PCBP3: variants seen among roughly 807,000 people sequenced by gnomAD.
PCBP3 encodes poly(rC)-binding protein 3.
Under a neutral mutation model 52.7 loss-of-function variants are expected in PCBP3, and 25 were observed. The observed-to-expected ratio is 0.47, with a 90% CI of 0.35 to 0.66. The LOEUF is 0.66. Among genes scored for constraint, PCBP3 ranks in the 30% least tolerant of loss-of-function variants. The pLI is 0.01. For synonymous variants in PCBP3, 162 were observed against 183.0 expected, an observed-to-expected ratio of 0.89 and a Z score of 0.93; for missense variants, 391 against 490.3, an observed-to-expected ratio of 0.80 and a Z score of 1.91.
At chr21:45,777,806 G>A (rs918248882) in intron 4 of PCBP3, among the ~76,000 whole-genome samples, 29 of 150,934 alleles carry the variant, frequency 1.9e-4, no homozygotes, top group Non-Finnish European at 3.7e-4. Flanking sequence ...TTTATATAAT[G>A]AATTCTTTTT....
intron 4 of PCBP3, among the ~76,000 whole-genome samples, chr21:45,846,475 A>G (rs2183598): frequency 6.6e-6 from 1 of 151,778 alleles, no homozygotes; most frequent in Admixed American, 6.6e-5. Flanking sequence ...AGAAGAAAGT[A>G]TAATCTCTAT....
chr21:45,657,924 T>A (rs944526943), intron 1 of PCBP3, among the ~76,000 whole-genome samples: 6 of 152,216 alleles, frequency 3.9e-5, no homozygotes, highest in Non-Finnish European at 8.8e-5. Context: ...GTAATTGCCC[T>A]GGTTATAAGC....
At chr21:45,897,949 G>T (rs983124218) in intron 6 of PCBP3, among the ~76,000 whole-genome samples, 1 of 152,168 alleles carries the variant, frequency 6.6e-6, no homozygotes, top group Admixed American at 6.5e-5. Context: ...ATCTGTGCGT[G>T]GCCTCCCGCC....
chr21:45,907,858 G>A lies in PCBP3; in HGVS notation c.340-1497G>A, dbSNP rs374830424. Among the ~76,000 whole-genome samples the A allele has an allele frequency of 2.2e-4, 33 of 151,696 alleles. No homozygotes were observed. The East Asian group carries it at 2.9e-3, about 13-fold the overall frequency. On this transcript the variant is annotated intron_variant, in intron 9 of 17. Transcript: ENST00000681687. ...AGGAGCTGGAAGGGAAGGACGGGGC[G>A]GGGGGAGTGCTGGGCAGGGGCAGTG...
intron 5 of PCBP3, chr21:45,893,687 G>A (rs2095746963): frequency 1.0e-6 from 1 of 952,546 alleles, no homozygotes; most frequent in African/African-American, 1.8e-5. Flanking sequence ...CCCATTGCAT[G>A]GGCTAAAATG....
intron 1 of PCBP3, among the ~76,000 whole-genome samples, chr21:45,666,387 A>C: frequency 7.1e-6 from 1 of 140,720 alleles, no homozygotes; most frequent in East Asian, 2.0e-4. Context: ...AAAGGGTTAC[A>C]AACAAGTTAC....
chr21:45,649,949 A>C lies in PCBP3; in HGVS notation c.-279+6081A>C, dbSNP rs181838731. ...TTTAGATAATTTTAAGCTTTTTTTAAAAATCGTGATTGAGATGAGATATTT... is the reference window on the plus strand; with the variant it reads ...TTTAGATAATTTTAAGCTTTTTTTACAAATCGTGATTGAGATGAGATATTT... On this transcript the variant is annotated intron_variant, in intron 1 of 17. Transcript: ENST00000681687. 1.4e-4 allele frequency among the ~76,000 whole-genome samples: 21 copies of C among 152,154 alleles called. No homozygotes were observed. In the East Asian group the frequency reaches 4.1e-3, roughly 29 times the overall value.
intron 4 of PCBP3, chr21:45,831,369 A>T (rs1246733471): frequency 1.3e-5 from 2 of 149,604 alleles, no homozygotes; most frequent in East Asian, 3.9e-4. Context: ...AGATCACGCC[A>T]CTGCTGTCCA....
Position 45,889,472 on chromosome 21 carries a change from T to C in PCBP3, c.11-6736T>C, listed in dbSNP as rs545250680. Among the ~76,000 whole-genome samples the C allele has an allele frequency of 7.2e-5, 11 of 152,350 alleles. No homozygotes were observed. In the South Asian group the frequency reaches 2.3e-3, roughly 32 times the overall value. ...CAGATGCAGCTCAGAGCAGGAAACC[T>C]GGTCTCCACCTTGGGCAGACAGCAA... On this transcript the variant is annotated intron_variant, in intron 5 of 17. Coordinates refer to ENST00000681687, the MANE Select transcript of PCBP3 (RefSeq NM_001384156.1).
chr21:45,828,538 C>A (rs2093364973), intron 4 of PCBP3: 1 of 152,254 alleles, frequency 6.6e-6, no homozygotes, highest in Non-Finnish European at 1.5e-5. Flanking sequence ...CCCAGCCCTG[C>A]TGAAAGTCTG....
intron 4 of PCBP3, among the ~76,000 whole-genome samples, chr21:45,765,244 A>G (rs1405488983): frequency 6.6e-6 from 1 of 152,154 alleles, no homozygotes; most frequent in African/African-American, 2.4e-5. Flanking sequence ...GGGTGCCAGG[A>G]TATCTGTGCT....
At chr21:45,682,161 A>G (rs1378199218) in intron 2 of PCBP3, among the ~76,000 whole-genome samples, 3 of 152,144 alleles carry the variant, frequency 2.0e-5, no homozygotes, top group Non-Finnish European at 2.9e-5. Context: ...TTTCTGGTCA[A>G]AACTAGGTAA....
chr21:45,909,750 G>T (rs1310156071), intron 10 of PCBP3, among the ~76,000 whole-genome samples: 1 of 114,776 alleles, frequency 8.7e-6, no homozygotes, highest in Non-Finnish European at 1.7e-5. Flanking sequence ...CCCACCCACT[G>T]CCCAGATACG....
intron 5 of PCBP3, among the ~76,000 whole-genome samples, chr21:45,883,685 T>C (rs1448547821): frequency 6.6e-6 from 1 of 152,240 alleles, no homozygotes; most frequent in African/African-American, 2.4e-5. Context: ...TTTTCCGATA[T>C]TAATATAGCC....
chr21:45,732,504 A>T (rs1217310135), intron 2 of PCBP3, among the ~76,000 whole-genome samples: 6 of 141,976 alleles, frequency 4.2e-5, no homozygotes, highest in East Asian at 2.1e-4. Flanking sequence ...TGCCTTTACG[A>T]TTTTTTTTTT....
chr21:45,782,885 G>T (rs1407797293), intron 4 of PCBP3, among the ~76,000 whole-genome samples: 2 of 152,246 alleles, frequency 1.3e-5, no homozygotes, highest in Non-Finnish European at 2.9e-5. Flanking sequence ...ACACTTCTCT[G>T]TGAGGCATGT....
chr21:45,750,396 C>T (rs1196872686), intron 3 of PCBP3: 1 of 6,070 alleles, frequency 1.6e-4, no homozygotes. Context: ...TGGGAGCAGA[C>T]CCCCCCCCCC....
At chr21:45,857,991 A>G (rs1362994307) in intron 5 of PCBP3, among the ~76,000 whole-genome samples, 1 of 151,752 alleles carries the variant, frequency 6.6e-6, no homozygotes, top group Non-Finnish European at 1.5e-5. Context: ...GGCCTCCCCC[A>G]TTCCCACACC....
chr21:45,792,627 A>G (rs776561505), intron 4 of PCBP3, among the ~76,000 whole-genome samples: 2 of 152,258 alleles, frequency 1.3e-5, no homozygotes, highest in Admixed American at 6.5e-5. Context: ...GGAGACAGGG[A>G]TGACTGCAGT....
Sources: allele counts gnomAD v4.1 joint callset (sites outside exome capture counted in the v4.1 genomes callset), GRCh38; gene constraint gnomAD v4.1.1; transcripts MANE v1.5; gene names NCBI Gene and HGNC (gene_info 2026-07-23, HGNC 2026-07-21).